PARD3B: variants seen among roughly 807,000 people sequenced by gnomAD.
The protein encoded by PARD3B is par-3 family cell polarity regulator beta.
In PARD3B, 103 loss-of-function variants were observed where a neutral mutation model predicts 130.2. The ratio of observed to expected loss-of-function variants is 0.79; its 90% CI spans 0.67 to 0.93. The LOEUF is 0.93. Among genes scored for constraint, PARD3B ranks in the 40% least tolerant of loss-of-function variants. PARD3B has a pLI of 0.00. For missense variants in PARD3B, 1,609 were observed against 1,499.2 expected (o/e 1.07, Z -1.21); for synonymous variants, 583 against 553.2 (o/e 1.05, Z -0.76).
At position 204,677,323 on chromosome 2, in the gene PARD3B, C is replaced by A. The variant is rs2125224206; in HGVS notation, c.121-8858C>A. Among the ~76,000 whole-genome samples the A allele has an allele frequency of 6.6e-6, 1 of 152,316 alleles. No homozygotes were observed. Among genetic ancestry groups the A allele is most frequent in the South Asian group, 2.1e-4 (1 of 4,826 alleles). On this transcript the variant is annotated intron_variant, in intron 1 of 22. Transcript: ENST00000406610. This position sits in a 1 kb window ranked among gnomAD's most constrained non-coding sequence, Gnocchi z 4.1. ...TTATTCAGAGGACGTATGTTCACTT[C>A]CATTGTGGTGTCTCCCTAAGGGATT...
chr2:205,602,598 G>T (rs182758539), intron 22 of PARD3B, among the ~76,000 whole-genome samples: 2 of 152,178 alleles, frequency 1.3e-5, no homozygotes, highest in Non-Finnish European at 2.9e-5. Context: ...TTCAGTCTTG[G>T]GAGGGTTATG....
In PARD3B at chr2:205,269,650, A is replaced by T. The variant is rs2040643818; in HGVS notation, c.2185+23828A>T. Among the ~76,000 whole-genome samples, 1 of 152,184 alleles carries T rather than the reference A, an allele frequency of 6.6e-6. No individual in the cohort carries two copies. The highest frequency in any genetic ancestry group is 2.1e-4 in the South Asian group (1 of 4,834). The stretch of plus-strand genomic sequence containing the variant: ...GACAAGGCATAATTAGTAATTTCCC[A>T]CTGAACTGGAATAGTCATTTTAGCT... On this transcript the variant is annotated intron_variant, in intron 16 of 22. Transcript: ENST00000406610. The surrounding 1 kb of genome is among the most constrained non-coding windows in gnomAD (Gnocchi z 4.7).
chr2:204,814,060 A>G (rs186624906), intron 2 of PARD3B, among the ~76,000 whole-genome samples: 112 of 152,208 alleles, frequency 7.4e-4, no homozygotes, highest in Non-Finnish European at 1.5e-3. Context: ...GAGAACTTGC[A>G]TCTTAATAAT....
In PARD3B at chr2:204,961,026, A is replaced by C. The variant is rs116780667; in HGVS notation, c.223-4126A>C. ...AGACCCTGAGGCAGGTACAAAGACA[A>C]TAGTGCAGCTGGATGGAGTCCTGAG... On this transcript the variant is annotated intron_variant, in intron 2 of 22. Transcript: ENST00000406610. Among the ~76,000 whole-genome samples, 660 of 152,298 alleles carry C rather than the reference A, an allele frequency of 4.3e-3. 3 individuals carry two copies. The highest frequency in any genetic ancestry group is 7.1e-3 in the Non-Finnish European group (485 of 68,030).
chr2:204,966,249 T>C (rs188716531), intron 3 of PARD3B, among the ~76,000 whole-genome samples: 1 of 152,346 alleles, frequency 6.6e-6, no homozygotes, highest in East Asian at 1.9e-4. Context: ...ACAATCCATA[T>C]TTTGTACTGA....
rs903196390 is a variant in PARD3B, at chr2:205,011,286, T to A, written c.395-36295T>A. On this transcript the variant is annotated intron_variant, in intron 3 of 22. Coordinates refer to ENST00000406610, the MANE Select transcript of PARD3B (RefSeq NM_001302769.2). The surrounding 1 kb of genome is among the most constrained non-coding windows in gnomAD (Gnocchi z 4.1). The stretch of plus-strand genomic sequence containing the variant: ...TCTGGCTCGGGGTTTCCCAAGAGTC[T>A]GTAGCCAAGCTGTCATCTCAAGGAT... Among the ~76,000 whole-genome samples, 2 of 152,202 alleles carry A rather than the reference T, an allele frequency of 1.3e-5. No homozygotes were observed. Among genetic ancestry groups the A allele is most frequent in the East Asian group, 3.9e-4 (2 of 5,188 alleles).
chr2:204,609,919 T>A (rs2033862996), intron 1 of PARD3B, among the ~76,000 whole-genome samples: 1 of 152,178 alleles, frequency 6.6e-6, no homozygotes, highest in Admixed American at 6.5e-5. Flanking sequence ...TAGGGTCATT[T>A]CAAGATATGA....
Position 205,274,123 on chromosome 2 carries a change from T to C in PARD3B, c.2186-26407T>C, listed in dbSNP as rs2040848332. On this transcript the variant is annotated intron_variant, in intron 16 of 22. Transcript: ENST00000406610. The surrounding 1 kb of genome is among the most constrained non-coding windows in gnomAD (Gnocchi z 4.2). ...GTTTTTTTAAAAAAAGTCTATTTTATTTTCCCTCATATGTATATATATCTT... is the reference window on the plus strand; with the variant it reads ...GTTTTTTTAAAAAAAGTCTATTTTACTTTCCCTCATATGTATATATATCTT... Among the ~76,000 whole-genome samples, 3 of 152,186 alleles carry C rather than the reference T, an allele frequency of 2.0e-5. No individual in the cohort carries two copies.
At chr2:205,009,445 G>A (rs557085468) in intron 3 of PARD3B, among the ~76,000 whole-genome samples, 1 of 152,180 alleles carries the variant, frequency 6.6e-6, no homozygotes, top group African/African-American at 2.4e-5. Context: ...GCAGAGGCGG[G>A]TGGATCACAA....
At chr2:204,994,046 AT>A (rs1693941601) in intron 3 of PARD3B, among the ~76,000 whole-genome samples, 1 of 150,030 alleles carries the variant, frequency 6.7e-6, no homozygotes, top group Non-Finnish European at 1.5e-5. Context: ...GGATTCATTA[AT>A]TTTTTGAAGG....
rs539423239 is a variant in PARD3B, at chr2:205,276,181, T to C, written c.2186-24349T>C. On this transcript the variant is annotated intron_variant, in intron 16 of 22. Coordinates refer to ENST00000406610, the MANE Select transcript of PARD3B (RefSeq NM_001302769.2). The surrounding 1 kb of genome is among the most constrained non-coding windows in gnomAD (Gnocchi z 5.0). ...AGCCGCTGATACAGGAAGACATATTTGAAAGAAACAGGGGAAGTAGAAATG... is the reference window on the plus strand; with the variant it reads ...AGCCGCTGATACAGGAAGACATATTCGAAAGAAACAGGGGAAGTAGAAATG... Among the ~76,000 whole-genome samples, 2 of 152,318 alleles carry C rather than the reference T, an allele frequency of 1.3e-5. No individual in the cohort carries two copies. Among genetic ancestry groups the C allele is most frequent in the South Asian group, 4.1e-4 (2 of 4,824 alleles).
At chr2:205,036,412 A>T (rs1024492496) in intron 3 of PARD3B, among the ~76,000 whole-genome samples, 3 of 147,664 alleles carry the variant, frequency 2.0e-5, no homozygotes, top group Non-Finnish European at 4.5e-5. Flanking sequence ...TATATAGCAG[A>T]CTATATATAA....
chr2:205,162,333 A>G (rs2034552430), intron 11 of PARD3B, among the ~76,000 whole-genome samples: 2 of 152,234 alleles, frequency 1.3e-5, no homozygotes, highest in African/African-American at 2.4e-5. Flanking sequence ...ACTTTTGATT[A>G]CAGGCTGTTT....
At chr2:204,614,013 T>C (rs1473497438) in intron 1 of PARD3B, among the ~76,000 whole-genome samples, 7 of 152,230 alleles carry the variant, frequency 4.6e-5, no homozygotes, top group African/African-American at 1.7e-4. Flanking sequence ...CTGTGTCTTG[T>C]TGGGCCCCTT....
At chr2:204,784,903 T>A (rs2041954890) in intron 2 of PARD3B, among the ~76,000 whole-genome samples, 1 of 152,232 alleles carries the variant, frequency 6.6e-6, no homozygotes, top group African/African-American at 2.4e-5. Context: ...CAAGGTCTAC[T>A]TTGACAAAAG....
chr2:205,087,914 A>T (rs1013029884), intron 4 of PARD3B, among the ~76,000 whole-genome samples: 2 of 152,196 alleles, frequency 1.3e-5, no homozygotes, highest in African/African-American at 4.8e-5. Flanking sequence ...CGGAAGTCAT[A>T]CCAAAAAAAA....
intron 3 of PARD3B, among the ~76,000 whole-genome samples, chr2:205,036,979 TA>T (rs200233243): frequency 0.11 from 16,474 of 149,646 alleles, 944 homozygotes; most frequent in African/African-American, 0.12. Flanking sequence ...ACTGTATATA[TA>T]AAAAACATAT....
intron 20 of PARD3B, among the ~76,000 whole-genome samples, chr2:205,472,615 T>A (rs1367615441): frequency 3.3e-5 from 5 of 152,210 alleles, no homozygotes; most frequent in Non-Finnish European, 5.9e-5. Flanking sequence ...CAAAGAATAA[T>A]ACTTCTTTAT....
At chr2:204,771,864 T>C (rs6435251) in intron 2 of PARD3B, among the ~76,000 whole-genome samples, 150,597 of 152,100 alleles carry the variant, frequency 0.99, 74,583 homozygotes, top group Middle Eastern at 1. Flanking sequence ...AAATTATTGA[T>C]CACATAAGAT....
Sources: allele counts gnomAD v4.1 joint callset (sites outside exome capture counted in the v4.1 genomes callset), GRCh38; gene constraint gnomAD v4.1.1; non-coding constraint Gnocchi (gnomAD v3.1); transcripts MANE v1.5; gene names NCBI Gene and HGNC (gene_info 2026-07-23, HGNC 2026-07-21).